Variants in CACYBP observed in about 807,000 individuals in gnomAD.
CACYBP encodes calcyclin binding protein.
CACYBP carries 11 observed loss-of-function variants against 29.6 expected under a neutral mutation model. The ratio of observed to expected loss-of-function variants is 0.37; its 90% CI spans 0.23 to 0.61. The LOEUF (loss-of-function observed/expected upper bound fraction) is 0.61. Among genes scored for constraint, CACYBP ranks in the 20% least tolerant of loss-of-function variants. The probability of loss-of-function intolerance (pLI) is 0.65; values close to 1 mark genes in which losing one functional copy is unlikely to be tolerated. For synonymous variants in CACYBP, 73 were observed against 88.3 expected (o/e 0.83, Z 0.97); for missense variants, 163 against 260.7 (o/e 0.63, Z 2.58).
intron 3 of CACYBP, 65 bp downstream of exon 3, chr1:175,006,906 CTCT>C (rs1467735035): frequency 1.4e-5 from 13 of 954,852 alleles, no homozygotes; most frequent in Admixed American, 4.0e-5. Context: ...TCTTGAGACT[CTCT>C]TCTTTGCAGT....
chr1:175,000,775 TCTG>T (rs1401811950), intron 1 of CACYBP, among the ~76,000 whole-genome samples: 1 of 152,240 alleles, frequency 6.6e-6, no homozygotes, highest in Non-Finnish European at 1.5e-5. Context: ...CAAACAGCAA[TCTG>T]CTGTATGTGA....
chr1:175,005,944 A>G (rs1408236258), intron 2 of CACYBP, among the ~76,000 whole-genome samples: 1 of 152,082 alleles, frequency 6.6e-6, no homozygotes, highest in Non-Finnish European at 1.5e-5. Context: ...GGTACATGAG[A>G]TGTTTGATAT....
intron 2 of CACYBP, among the ~76,000 whole-genome samples, chr1:175,005,393 A>G (rs1410909537): frequency 1.3e-5 from 2 of 152,228 alleles, no homozygotes; most frequent in Admixed American, 1.3e-4. Flanking sequence ...CGCAACTTGA[A>G]TATGAATGAT....
rs186911531 is a variant in CACYBP at position 175,003,288 on chromosome 1, T to A, written c.16-1326T>A. ...CACGTGCCACCACACCCGGCAAATT[T>A]TTGAATTTTAAGTAGAGACGGGCTT... is the stretch of plus-strand genomic sequence containing the variant. On this transcript the variant is annotated intron_variant, in intron 1 of 5. Coordinates refer to ENST00000367679, the MANE Select transcript of CACYBP (RefSeq NM_014412.3). Among the ~76,000 whole-genome samples the A allele has an allele frequency of 3.3e-3, 501 of 152,176 alleles. 5 individuals carry two copies. Among genetic ancestry groups the A allele is most frequent in the African/African-American group, 0.012 (481 of 41,510 alleles).
chr1:175,005,902 C>G (rs1031681153), intron 2 of CACYBP, among the ~76,000 whole-genome samples: 3 of 151,926 alleles, frequency 2.0e-5, no homozygotes, highest in Admixed American at 6.6e-5. Flanking sequence ...TTTTAATTTT[C>G]GAGGGTACAT....
chr1:174,999,744 G>A, upstream of CACYBP: 1 of 268,450 alleles, frequency 3.7e-6, no homozygotes, highest in Non-Finnish European at 7.2e-6. Flanking sequence ...CGACTGCGCA[G>A]CGTGGCCCAG....
chr1:174,999,792 G>A (rs1672413107), upstream of CACYBP: 1 of 354,070 alleles, frequency 2.8e-6, no homozygotes, highest in East Asian at 7.6e-5. Flanking sequence ...TGTCAGGGCG[G>A]AGAGCAAGAC....
chr1:175,009,850 T>C, intron 5 of CACYBP, 73 bp from the exon 6 acceptor site: 2 of 1,193,158 alleles, frequency 1.7e-6, no homozygotes, highest in Admixed American at 2.2e-5. Flanking sequence ...TTCCTGCCAG[T>C]GTTAACAACC....
At chr1:175,005,975 G>A (rs191909559) in intron 2 of CACYBP, among the ~76,000 whole-genome samples, 32 of 152,246 alleles carry the variant, frequency 2.1e-4, no homozygotes, top group South Asian at 1.2e-3. Flanking sequence ...TGTGAAAAAC[G>A]TCATGGAGGA....
rs1672760583 is a variant in CACYBP, at chr1:175,011,673, C to G, written c.*1594C>G. 6.6e-6 allele frequency: 1 copy of G among 152,224 alleles called. No homozygotes were observed. Among genetic ancestry groups the G allele is most frequent in the Non-Finnish European group, 1.5e-5 (1 of 68,006 alleles). The allele number at this position is 152,224 out of a possible 1,614,324, so 9.4% of individuals were successfully genotyped here. On this transcript the variant is annotated 3_prime_UTR_variant, in exon 6 of 6. Transcript: ENST00000367679. ...ACCTTTAACATGTAAAGATGCTCAC[C>G]TTGTTCAGAAGAGAATAAACCAGTG... is the stretch of plus-strand genomic sequence containing the variant.
At chr1:175,001,603 C>G (rs1025347986) in intron 1 of CACYBP, among the ~76,000 whole-genome samples, 5 of 152,278 alleles carry the variant, frequency 3.3e-5, no homozygotes, top group Admixed American at 6.5e-5. Flanking sequence ...TTTTTTGGCT[C>G]CTTCAACTTA....
rs1672766656 is a variant in CACYBP at position 175,011,909 on chromosome 1, T to C, written c.*1830T>C. 6.6e-6 allele frequency among the ~76,000 whole-genome samples: 1 copy of C among 152,050 alleles called. No homozygotes were observed. The highest frequency in any genetic ancestry group is 6.6e-5 in the Admixed American group (1 of 15,262). On this transcript the variant is annotated 3_prime_UTR_variant, in exon 6 of 6. Transcript: ENST00000367679. ...ACTTGAGGTCAGGAGTTCAAGACCA[T>C]CTGGCCAACATGGTGAAACCCTGTC...
At chr1:175,000,425 G>T in intron 1 of CACYBP, 9 of 1,398,874 alleles carry the variant, frequency 6.4e-6, no homozygotes, top group Non-Finnish European at 6.5e-6. Context: ...TCGAGCGGGG[G>T]TGTGCGGCGA....
chr1:175,009,903 T>A lies in CACYBP; in HGVS notation c.531-20T>A. 1.3e-6 allele frequency: 2 copies of A among 1,595,208 alleles called. No homozygotes were observed. Among genetic ancestry groups the A allele is most frequent in the Non-Finnish European group, 1.7e-6 (2 of 1,170,442 alleles). On this transcript the variant is annotated intron_variant, in intron 5 of 5. Transcript: ENST00000367679. ...CGGTGCTTTCGTTTCCCCATTGTTG[T>A]ATATGTTTTCTTTTTAAAGGAAGCC...
intron 5 of CACYBP, among the ~76,000 whole-genome samples, chr1:175,009,415 G>A (rs906518726): frequency 6.6e-6 from 1 of 152,138 alleles, no homozygotes; most frequent in African/African-American, 2.4e-5. Context: ...GGAGGCTGAG[G>A]CGGGCGGATC....
At position 174,999,980 on chromosome 1, in the gene CACYBP, G is replaced by GGCGGCT. The variant is rs1672420893; in HGVS notation, c.-198_-193dup. 1.4e-6 allele frequency: 1 copy of GGCGGCT among 691,382 alleles called. No homozygotes were observed. The highest frequency in any genetic ancestry group is 2.4e-6 in the Non-Finnish European group (1 of 425,006). 42.8% of individuals were successfully genotyped at this position (691,382 alleles called of 1,614,324 possible). Reference sequence around the variant, plus strand: ...GTGCGTGCTCGCGGTGGGCGGTGGCGGCGGCTGCCTCGCGAAGGTTCGAGA... The same window carrying GGCGGCT: ...GTGCGTGCTCGCGGTGGGCGGTGGCGGCGGCTGCGGCTGCCTCGCGAAGGTTCGAGA... On this transcript the variant is annotated 5_prime_UTR_variant, in exon 1 of 6. Coordinates refer to ENST00000367679, the MANE Select transcript of CACYBP (RefSeq NM_014412.3).
Position 175,004,656 on chromosome 1 carries a change from G to T in CACYBP, c.58G>T (p.Ala20Ser). The T allele has an allele frequency of 6.2e-7, 1 of 1,612,282 alleles. No homozygotes were observed. Among genetic ancestry groups the T allele is most frequent in the Middle Eastern group, 1.7e-4 (1 of 6,044 alleles). Residue 20 changes from alanine to serine, a missense_variant, in exon 2 of 6, where the codon GCT (alanine) becomes TCT (serine). By Grantham distance (99) the Ala-to-Ser change is moderately conservative. Coordinates refer to ENST00000367679, the MANE Select transcript of CACYBP (RefSeq NM_014412.3). The part of the protein sequence containing the change: ...LEEVKVLLEK[A>S]TRKRVRDALT... ...AGAGGTAAAGGTGTTGCTGGAAAAG[G>T]CTACTAGGAAAAGAGTACGTGATGC... is the stretch of plus-strand genomic sequence containing the variant.
chr1:175,007,648 C>T (rs1436050333), intron 4 of CACYBP, among the ~76,000 whole-genome samples: 2 of 151,988 alleles, frequency 1.3e-5, no homozygotes, highest in Admixed American at 6.6e-5. Context: ...TGCATTTATG[C>T]GATAGTAATA....
chr1:175,011,406 T>C lies in CACYBP; in HGVS notation c.*1327T>C, dbSNP rs755735843. On this transcript the variant is annotated 3_prime_UTR_variant, in exon 6 of 6. Coordinates refer to ENST00000367679, the MANE Select transcript of CACYBP (RefSeq NM_014412.3). The stretch of plus-strand genomic sequence containing the variant: ...ATAACTGAAAATAGGCATATAGATA[T>C]ATTCCAAGCCGCCTGACGATCTAAT... 9 of 152,144 alleles carry C rather than the reference T, an allele frequency of 5.9e-5. No individual in the cohort carries two copies. Among genetic ancestry groups the C allele is most frequent in the African/African-American group, 9.7e-5 (4 of 41,432 alleles). The allele number at this position is 152,144 out of a possible 1,614,324, so 9.4% of individuals were successfully genotyped here.
Sources: allele counts gnomAD v4.1 joint callset (sites outside exome capture counted in the v4.1 genomes callset), GRCh38; gene constraint gnomAD v4.1.1; transcripts MANE v1.5; gene names NCBI Gene and HGNC (gene_info 2026-07-23, HGNC 2026-07-21).